The following VPS13B variants were observed in gnomAD, a reference collection of about 807,000 sequenced individuals.
VPS13B encodes the protein intermembrane lipid transfer protein VPS13B.
Under a neutral mutation model 426.4 loss-of-function variants are expected in VPS13B, and 285 were observed. The observed-to-expected ratio is 0.67, with a 90% CI of 0.61 to 0.74. The LOEUF (loss-of-function observed/expected upper bound fraction) is 0.74, where lower values mean the gene tolerates loss of function less well. VPS13B is among the 30% of genes least tolerant of loss of function. The pLI, the probability that VPS13B is intolerant of heterozygous loss-of-function variation, is 0.00. For missense variants in VPS13B, 4,537 were observed against 4,782.6 expected (o/e 0.95, Z 1.51); for synonymous variants, 1,676 against 1,676.4 (o/e 1.00, Z 0.01).
At chr8:99,704,070 ATAAGGACTTG>A (rs1832400374) in intron 36 of VPS13B, among the ~76,000 whole-genome samples, 1 of 152,150 alleles carries the variant, frequency 6.6e-6, no homozygotes, top group Non-Finnish European at 1.5e-5. Context: ...TCCCCTGTCC[ATAAGGACTTG>A]GGTGACTTTT....
chr8:99,140,064 T>A (rs1810318853), intron 12 of VPS13B, among the ~76,000 whole-genome samples: 1 of 152,028 alleles, frequency 6.6e-6, no homozygotes, highest in African/African-American at 2.4e-5. Flanking sequence ...ATGGCAGTAT[T>A]CTAATTAATG....
chr8:99,819,261 C>T (rs1814225519), intron 47 of VPS13B, 151 bp from the exon 48 acceptor site: 2 of 895,762 alleles, frequency 2.2e-6, no homozygotes, highest in Non-Finnish European at 3.4e-6. Flanking sequence ...AAAGCCAGGG[C>T]CCAGATCATC....
intron 21 of VPS13B, among the ~76,000 whole-genome samples, chr8:99,397,516 G>A (rs1017264970): frequency 2.0e-5 from 3 of 152,120 alleles, no homozygotes; most frequent in African/African-American, 7.2e-5. Context: ...TTATGCCGAA[G>A]TTTAATAATA....
At chr8:99,242,616 C>T (rs1816995301) in intron 17 of VPS13B, among the ~76,000 whole-genome samples, 2 of 152,038 alleles carry the variant, frequency 1.3e-5, no homozygotes, top group African/African-American at 4.8e-5. Context: ...TTCAGTTTTG[C>T]ATCTGAAACA....
intron 16 of VPS13B, among the ~76,000 whole-genome samples, chr8:99,188,052 C>CTTT (rs756484540): frequency 2.0e-3 from 115 of 56,176 alleles, no homozygotes; most frequent in Non-Finnish European, 3.0e-3. Context: ...GTTGTTTGGA[C>CTTT]ATTTTTTTTT....
At chr8:99,474,665 TAC>T (rs1177054464) in intron 24 of VPS13B, among the ~76,000 whole-genome samples, 1 of 152,002 alleles carries the variant, frequency 6.6e-6, no homozygotes, top group Non-Finnish European at 1.5e-5. Context: ...GAAATAGAAA[TAC>T]ACACCTATTA....
At chr8:99,453,624 C>T (rs759136931) in intron 23 of VPS13B, among the ~76,000 whole-genome samples, 28 of 152,258 alleles carry the variant, frequency 1.8e-4, no homozygotes, top group Middle Eastern at 3.4e-3. Context: ...ATCAATTTTG[C>T]ATTTCCCAAT....
At chr8:99,410,669 C>G (rs1401610632) in intron 21 of VPS13B, among the ~76,000 whole-genome samples, 11 of 151,734 alleles carry the variant, frequency 7.2e-5, no homozygotes, top group Admixed American at 7.2e-4. Flanking sequence ...ACCCATCTAC[C>G]CGTCATCTAC....
intron 54 of VPS13B, among the ~76,000 whole-genome samples, chr8:99,838,751 C>T (rs1361596668): frequency 1.3e-5 from 2 of 152,196 alleles, no homozygotes; most frequent in Admixed American, 6.5e-5. Context: ...TGTGGGTGTA[C>T]AGCAGACAAG....
chr8:99,871,201 T>C (rs2130974133), intron 60 of VPS13B: 1 of 628,486 alleles, frequency 1.6e-6, no homozygotes, highest in East Asian at 2.8e-5. Context: ...AGAGGTGCTA[T>C]TTCTAATGGG....
chr8:99,184,836 C>G (rs540051569), intron 16 of VPS13B, among the ~76,000 whole-genome samples: 1 of 152,036 alleles, frequency 6.6e-6, no homozygotes, highest in Non-Finnish European at 1.5e-5. Context: ...ACCAAAAATA[C>G]AAAAATTAGC....
intron 21 of VPS13B, among the ~76,000 whole-genome samples, chr8:99,418,133 TTG>T (rs1238742821): frequency 6.6e-6 from 1 of 152,236 alleles, no homozygotes; most frequent in Non-Finnish European, 1.5e-5. Context: ...AGGACTGGGA[TTG>T]TGTTTGTTTT....
At chr8:99,627,545 A>G (rs988468934) in intron 33 of VPS13B, among the ~76,000 whole-genome samples, 2 of 152,076 alleles carry the variant, frequency 1.3e-5, no homozygotes, top group Non-Finnish European at 2.9e-5. Context: ...CACCACGCCC[A>G]GCTAATTTTT....
intron 2 of VPS13B, among the ~76,000 whole-genome samples, chr8:99,019,325 G>C (rs986130180): frequency 6.6e-6 from 1 of 150,960 alleles, no homozygotes; most frequent in Non-Finnish European, 1.5e-5. Flanking sequence ...TCCTGCCTCA[G>C]CCTCTCAAGC....
intron 3 of VPS13B, among the ~76,000 whole-genome samples, chr8:99,076,637 C>A (rs1189425812): frequency 8.9e-6 from 1 of 112,090 alleles, no homozygotes. Context: ...TACAGTTTTT[C>A]ATTTAAAGTC....
In VPS13B at chr8:99,378,146, C is replaced by T. The variant is rs866215994; in HGVS notation, c.2825-6062C>T. ...CGGCCATTTTAGAGCCCCCCCCCCC[C>T]GGAATGCATTCTTTTCCCAAGGCTG... On this transcript the variant is annotated intron_variant, in intron 19 of 61. Coordinates refer to ENST00000357162, the MANE Select transcript of VPS13B (RefSeq NM_152564.5). Among the ~76,000 whole-genome samples the T allele has an allele frequency of 4.9e-3, 577 of 118,774 alleles. 25 individuals carry two copies. The highest frequency in any genetic ancestry group is 5.1e-3 in the Non-Finnish European group (289 of 56,582). The allele number at this position is 118,774 out of a possible 152,430, so 77.9% of individuals were successfully genotyped here. A position where few individuals can be genotyped will look rare whatever the true frequency, so the allele number is the denominator to read the frequency against.
intron 43 of VPS13B, among the ~76,000 whole-genome samples, chr8:99,806,890 G>A (rs767165162): frequency 1.3e-5 from 2 of 152,142 alleles, no homozygotes; most frequent in Non-Finnish European, 2.9e-5. Context: ...CCAGTGCCGC[G>A]GGTTCCCAGG....
Position 99,853,553 on chromosome 8 carries a change from ACT to A in VPS13B, c.10166_10167del (p.Leu3389HisfsTer27), listed in dbSNP as rs1554581267. The A allele has an allele frequency of 1.2e-6, 2 of 1,614,062 alleles. No individual in the cohort carries two copies. The highest frequency in any genetic ancestry group is 1.7e-6 in the Non-Finnish European group (2 of 1,179,996). ...HHKASAELLR[L>X]TLDNIFLCVA... ...ACAAAGCATCAGCTGAGCTTCTGAG[ACT>A]CACACTGGACAACATTTTTCTCTGT... On this transcript the variant is annotated frameshift_variant, in exon 56 of 62. Transcript: ENST00000357162. LOFTEE classifies it high-confidence loss of function.
At chr8:99,048,427 G>A (rs1032648553) in intron 3 of VPS13B, among the ~76,000 whole-genome samples, 1 of 152,180 alleles carries the variant, frequency 6.6e-6, no homozygotes, top group Non-Finnish European at 1.5e-5. Flanking sequence ...GTGATAACCT[G>A]TCTAGTGCTG....
Sources: gnomAD v4.1 joint callset for allele counts (sites outside exome capture counted in the v4.1 genomes callset) on GRCh38, gnomAD v4.1.1 for gene constraint, MANE v1.5 for transcripts, NCBI Gene and HGNC (gene_info 2026-07-23, HGNC 2026-07-21) for gene names.